Variants in RAD51 observed in about 807,000 individuals in gnomAD.
RAD51 encodes RAD51 recombinase.
Under a neutral mutation model 41.5 loss-of-function variants are expected in RAD51, and 14 were observed. That is an observed-to-expected ratio of 0.34 (90% CI 0.22 to 0.53). RAD51 has a LOEUF of 0.53. RAD51 is among the 20% of genes least tolerant of loss of function. The pLI, the probability that RAD51 is intolerant of heterozygous loss-of-function variation, is 0.95. For missense variants in RAD51, 234 were observed against 422.0 expected (o/e 0.55, Z 3.90); for synonymous variants, 136 against 148.6 (o/e 0.92, Z 0.62).
At chr15:40,722,748 G>C (rs748344559) in intron 6 of RAD51, among the ~76,000 whole-genome samples, 1 of 152,174 alleles carries the variant, frequency 6.6e-6, no homozygotes, top group African/African-American at 2.4e-5. Flanking sequence ...TAATTTTTCA[G>C]AGAGAACATG....
intron 6 of RAD51, among the ~76,000 whole-genome samples, chr15:40,727,668 C>T (rs1464268453): frequency 6.6e-6 from 1 of 151,572 alleles, no homozygotes; most frequent in African/African-American, 2.4e-5. Context: ...AAAGTACTTA[C>T]ACCTGTTACA....
intron 6 of RAD51, among the ~76,000 whole-genome samples, chr15:40,726,375 C>G (rs2141874692): frequency 6.6e-6 from 1 of 151,784 alleles, no homozygotes; most frequent in East Asian, 2.0e-4. Flanking sequence ...CCTCAGCCTC[C>G]CAAGTACCTG....
At chr15:40,719,265 G>A (rs529496508) in intron 6 of RAD51, among the ~76,000 whole-genome samples, 25 of 151,860 alleles carry the variant, frequency 1.6e-4, no homozygotes, top group African/African-American at 6.0e-4. Context: ...CACCATATTG[G>A]CCAGGCTGGT....
At chr15:40,728,400 T>A (rs908560738) in intron 6 of RAD51, among the ~76,000 whole-genome samples, 7 of 151,284 alleles carry the variant, frequency 4.6e-5, no homozygotes, top group Non-Finnish European at 8.8e-5. Context: ...GAGGTTGCAA[T>A]GAGATCACGC....
chr15:40,700,428 A>G (rs967320949), intron 2 of RAD51, among the ~76,000 whole-genome samples: 11 of 152,192 alleles, frequency 7.2e-5, no homozygotes, highest in African/African-American at 2.7e-4. Flanking sequence ...AGCCTTATCT[A>G]TTTACCCTAC....
At position 40,718,892 on chromosome 15, in the gene RAD51, G is replaced by T; in HGVS notation, c.523G>T (p.Ala175Ser). Reference sequence around the variant, plus strand: ...TAGGCCAGAACGGCTGCTGGCAGTGGCTGAGAGGTAGGTTACTGGTTTAGA... The same window carrying T: ...TAGGCCAGAACGGCTGCTGGCAGTGTCTGAGAGGTAGGTTACTGGTTTAGA... ...TFRPERLLAV[A>S]ERYGLSGSDV... is the part of the protein sequence containing the mutation. Residue 175 changes from alanine to serine, a missense_variant, in exon 6 of 10, where the codon GCT becomes TCT. Coordinates refer to ENST00000267868, the MANE Select transcript of RAD51 (RefSeq NM_002875.5). The T allele has an allele frequency of 1.2e-6, 2 of 1,608,162 alleles. No homozygotes were observed. Among genetic ancestry groups the T allele is most frequent in the Non-Finnish European group, 1.7e-6 (2 of 1,174,760 alleles).
At chr15:40,719,498 C>G (rs1896160778) in intron 6 of RAD51, among the ~76,000 whole-genome samples, 1 of 152,046 alleles carries the variant, frequency 6.6e-6, no homozygotes, top group South Asian at 2.1e-4. Context: ...CCATAAGAGA[C>G]ACTGCGTGGC....
chr15:40,695,432 G>T lies in RAD51; in HGVS notation c.-3+7G>T, dbSNP rs1468819039. ...AGGAGCGCTGCGGACCGAGGTGAGT[G>T]TGTGAGGCGCAGGCTGGGCCCTCCA... is the stretch of plus-strand genomic sequence containing the variant. On this transcript the variant is annotated splice_region_variant and intron_variant, in intron 1 of 9. Transcript: ENST00000267868. 1 of 152,508 alleles carries T rather than the reference G, an allele frequency of 6.6e-6. No individual in the cohort carries two copies. The highest frequency in any genetic ancestry group is 1.5e-5 in the Non-Finnish European group (1 of 68,288). The allele number at this position is 152,508 out of a possible 1,614,324, so 9.4% of individuals were successfully genotyped here.
chr15:40,708,928 C>T (rs1039634944), intron 4 of RAD51, 97 bp from the exon 5 acceptor site: 2 of 1,118,586 alleles, frequency 1.8e-6, no homozygotes, highest in African/African-American at 3.1e-5. Context: ...TTTTAACTTA[C>T]ATAAACATCT....
chr15:40,723,275 G>C (rs965936810), intron 6 of RAD51, among the ~76,000 whole-genome samples: 2 of 152,032 alleles, frequency 1.3e-5, no homozygotes, highest in African/African-American at 2.4e-5. Flanking sequence ...TGGTCTCTTT[G>C]CAAAATAGGT....
upstream of RAD51, chr15:40,694,915 C>T (rs1471338251): frequency 1.3e-5 from 2 of 152,302 alleles, no homozygotes; most frequent in Non-Finnish European, 2.9e-5. Flanking sequence ...GCCTCGAACT[C>T]CTAGGCTCAG....
At chr15:40,706,634 G>A (rs56282644) in intron 4 of RAD51, among the ~76,000 whole-genome samples, 2 of 152,156 alleles carry the variant, frequency 1.3e-5, no homozygotes, top group South Asian at 2.1e-4. Context: ...CCCGGAAGAC[G>A]GAGGTTGCTG....
rs564363018 is a variant in RAD51, at chr15:40,706,116, A to G, written c.226-61A>G. On this transcript the variant is annotated intron_variant, in intron 3 of 9. Transcript: ENST00000267868. Reference sequence around the variant, plus strand: ...TTTTCTTTATATATATTTTTTTGCCATCAAGATCACTGTGGTAAGGAATAT... The same window carrying G: ...TTTTCTTTATATATATTTTTTTGCCGTCAAGATCACTGTGGTAAGGAATAT... 7 of 1,292,804 alleles carry G rather than the reference A, an allele frequency of 5.4e-6. 1 individual carries two copies. The South Asian group carries it at 6.0e-5, about 11-fold the overall frequency. The allele number at this position is 1,292,804 out of a possible 1,614,324, so 80.1% of individuals were successfully genotyped here.
rs571295174 is a variant in RAD51 at position 40,701,870 on chromosome 15, G to A, written c.225+669G>A. 4.7e-5 allele frequency: 17 copies of A among 360,166 alleles called. No homozygotes were observed. The East Asian group carries it at 2.0e-3, about 43-fold the overall frequency. 22.3% of individuals were successfully genotyped at this position (360,166 alleles called of 1,614,324 possible). A position where few individuals can be genotyped will look rare whatever the true frequency, so the allele number is the denominator to read the frequency against. ...GTGATCTTGGTCTACTGCACCCTCCGCCTCTCAGGTTCAAGTGATTCTCCT... is the reference window on the plus strand; with the variant it reads ...GTGATCTTGGTCTACTGCACCCTCCACCTCTCAGGTTCAAGTGATTCTCCT... On this transcript the variant is annotated intron_variant, in intron 3 of 9. Coordinates refer to ENST00000267868, the MANE Select transcript of RAD51 (RefSeq NM_002875.5).
At chr15:40,718,920 A>G (rs1896122279) in intron 6 of RAD51, 21 bp downstream of exon 6, 1 of 1,567,886 alleles carries the variant, frequency 6.4e-7, no homozygotes, top group African/African-American at 1.4e-5. Flanking sequence ...GGTTTAGATA[A>G]GAGAGACTAT....
chr15:40,726,974 A>G (rs1015968865), intron 6 of RAD51, among the ~76,000 whole-genome samples: 10 of 151,546 alleles, frequency 6.6e-5, no homozygotes, highest in African/African-American at 2.2e-4. Context: ...TGGGAATTCC[A>G]TGTCCTGCTT....
intron 5 of RAD51, among the ~76,000 whole-genome samples, chr15:40,715,462 A>C (rs1279626809): frequency 1.3e-5 from 2 of 152,258 alleles, no homozygotes; most frequent in Non-Finnish European, 2.9e-5. Context: ...TAAATGTACA[A>C]ATAATTTATA....
At chr15:40,698,110 C>T (rs1315337081) in intron 1 of RAD51, among the ~76,000 whole-genome samples, 1 of 152,048 alleles carries the variant, frequency 6.6e-6, no homozygotes, top group African/African-American at 2.4e-5. Context: ...TCCTTCCTGC[C>T]GCCCCCTGCA....
chr15:40,717,068 T>G (rs1179084202), intron 5 of RAD51, among the ~76,000 whole-genome samples: 1 of 151,840 alleles, frequency 6.6e-6, no homozygotes, highest in Non-Finnish European at 1.5e-5. Flanking sequence ...TTGGGCTGGG[T>G]GCAGTGGCTC....
Sources: allele counts gnomAD v4.1 joint callset (sites outside exome capture counted in the v4.1 genomes callset), GRCh38; gene constraint gnomAD v4.1.1; transcripts MANE v1.5; gene names NCBI Gene and HGNC (gene_info 2026-07-23, HGNC 2026-07-21).